Variants in TMEM132D observed in about 807,000 individuals in gnomAD.
TMEM132D encodes the protein mature OL transmembrane protein.
TMEM132D carries 21 observed loss-of-function variants against 62.3 expected under a neutral mutation model. The ratio of observed to expected loss-of-function variants is 0.34; its 90% CI spans 0.24 to 0.49. TMEM132D has a LOEUF of 0.49. Ranked by LOEUF, TMEM132D falls within the 20% of genes least tolerant of loss-of-function variation. TMEM132D has a pLI of 0.99. For missense variants in TMEM132D, 1,346 were observed against 1,402.8 expected (o/e 0.96, Z 0.65); for synonymous variants, 621 against 575.6 (o/e 1.08, Z -1.13).
chr12:129,630,353 G>A (rs894855751), intron 2 of TMEM132D, among the ~76,000 whole-genome samples: 1 of 152,182 alleles, frequency 6.6e-6, no homozygotes, highest in Non-Finnish European at 1.5e-5. Context: ...GACACAGATT[G>A]AGTAGATATC....
At chr12:129,315,889 A>AT (rs1312392157) in intron 4 of TMEM132D, among the ~76,000 whole-genome samples, 3 of 152,106 alleles carry the variant, frequency 2.0e-5, no homozygotes, top group African/African-American at 7.2e-5. Flanking sequence ...TTTTCCAGGA[A>AT]TTTACCCATC....
At chr12:129,150,903 C>T (rs1294580593) in intron 5 of TMEM132D, among the ~76,000 whole-genome samples, 1 of 152,216 alleles carries the variant, frequency 6.6e-6, no homozygotes, top group Non-Finnish European at 1.5e-5. Flanking sequence ...TCCTGTCCGC[C>T]CCAACCCCAG....
intron 2 of TMEM132D, among the ~76,000 whole-genome samples, chr12:129,646,800 A>ATTTT (rs35593697): frequency 7.4e-6 from 1 of 135,770 alleles, no homozygotes; most frequent in Non-Finnish European, 1.6e-5. Context: ...AATAACATGC[A>ATTTT]TTTTTTTTTT....
intron 1 of TMEM132D, among the ~76,000 whole-genome samples, chr12:129,829,675 C>T (rs1027099515): frequency 6.6e-6 from 1 of 152,222 alleles, no homozygotes; most frequent in African/African-American, 2.4e-5. Flanking sequence ...GTCTCAGGTG[C>T]GAACTGAGAT....
intron 3 of TMEM132D, among the ~76,000 whole-genome samples, chr12:129,383,233 C>G (rs184126298): frequency 1.1e-4 from 17 of 152,302 alleles, no homozygotes; most frequent in Admixed American, 3.9e-4. Flanking sequence ...ATGTGTGCAT[C>G]TGGTTGGGGA....
intron 1 of TMEM132D, among the ~76,000 whole-genome samples, chr12:129,748,695 C>T (rs1869899154): frequency 6.6e-6 from 1 of 152,194 alleles, no homozygotes; most frequent in South Asian, 2.1e-4. Flanking sequence ...GCTCCCAGAG[C>T]AACAAAAACC....
intron 1 of TMEM132D, among the ~76,000 whole-genome samples, chr12:129,729,242 T>C (rs1869137944): frequency 1.3e-5 from 2 of 152,210 alleles, no homozygotes; most frequent in Non-Finnish European, 1.5e-5. Flanking sequence ...ATAGAGTCAC[T>C]GGCAAAAACA....
chr12:129,894,460 G>C (rs1390636519), intron 1 of TMEM132D, among the ~76,000 whole-genome samples: 1 of 152,208 alleles, frequency 6.6e-6, no homozygotes, highest in African/African-American at 2.4e-5. Context: ...AAGGTAGAGA[G>C]AGATGAAGCA....
chr12:129,333,976 C>T (rs1869195830), intron 4 of TMEM132D, among the ~76,000 whole-genome samples: 1 of 152,076 alleles, frequency 6.6e-6, no homozygotes, highest in Non-Finnish European at 1.5e-5. Context: ...CAAAAATTAG[C>T]TGGGCCTGTT....
chr12:129,249,575 C>T (rs955944623), intron 4 of TMEM132D, among the ~76,000 whole-genome samples: 9 of 152,144 alleles, frequency 5.9e-5, no homozygotes, highest in East Asian at 1.9e-4. Context: ...TTTAGTCATT[C>T]GACAAATATA....
intron 3 of TMEM132D, among the ~76,000 whole-genome samples, chr12:129,389,640 AC>A (rs1367466363): frequency 6.6e-6 from 1 of 152,268 alleles, no homozygotes; most frequent in Admixed American, 6.5e-5. Flanking sequence ...CAATGCTGAC[AC>A]CATGCCAGCA....
At chr12:129,757,228 A>G (rs776210573) in intron 1 of TMEM132D, among the ~76,000 whole-genome samples, 2 of 152,190 alleles carry the variant, frequency 1.3e-5, no homozygotes, top group Non-Finnish European at 2.9e-5. Context: ...GCCCCAGTTT[A>G]CCAGCTCGCA....
In TMEM132D at chr12:129,082,107, G is replaced by C. The variant is rs75313148; in HGVS notation, c.1650-75C>G. 5.3e-6 allele frequency: 8 copies of C among 1,513,824 alleles called. No individual in the cohort carries two copies. In the South Asian group the frequency reaches 9.0e-5, roughly 17 times the overall value. 93.8% of individuals were successfully genotyped at this position (1,513,824 alleles called of 1,614,324 possible). Reference sequence around the variant, plus strand: ...TAAGGGGCCGTGTGTGGAGCCTGGTGGGGGCTGCAGAGGTAGGTAGGCCAT... The same window carrying C: ...TAAGGGGCCGTGTGTGGAGCCTGGTCGGGGCTGCAGAGGTAGGTAGGCCAT... On this transcript the variant is annotated intron_variant, in intron 6 of 8. Coordinates refer to ENST00000422113, the MANE Select transcript of TMEM132D (RefSeq NM_133448.3).
At position 129,081,972 on chromosome 12, in the gene TMEM132D, C is replaced by T. The variant is rs377177118; in HGVS notation, c.1710G>A (p.Leu570=). 4 of 1,613,876 alleles carry T rather than the reference C, an allele frequency of 2.5e-6. No individual in the cohort carries two copies. Among genetic ancestry groups the T allele is most frequent in the African/African-American group, 1.3e-5 (1 of 74,948 alleles). Reference sequence around the variant, plus strand: ...CCCGCACCATGGCGTGCTGGTACTGCAGGGTGCAGCCGCGGCCCCTCCGCT... The same window carrying T: ...CCCGCACCATGGCGTGCTGGTACTGTAGGGTGCAGCCGCGGCCCCTCCGCT... ...DDERRGRGCT[L]QYQHAMVRVL... Residue 570 remains leucine (L), a synonymous_variant, in exon 7 of 9, where the codon CTG becomes CTA. Transcript: ENST00000422113.
intron 3 of TMEM132D, among the ~76,000 whole-genome samples, chr12:129,392,984 C>T (rs1390065861): frequency 6.6e-6 from 1 of 152,202 alleles, no homozygotes; most frequent in Non-Finnish European, 1.5e-5. Context: ...CCTCTACTTG[C>T]CTCCAATCTA....
At chr12:129,247,947 A>G (rs1260273762) in intron 4 of TMEM132D, among the ~76,000 whole-genome samples, 2 of 152,132 alleles carry the variant, frequency 1.3e-5, no homozygotes, top group Non-Finnish European at 2.9e-5. Flanking sequence ...CAAAGCTCCC[A>G]AATGGCAATT....
chr12:129,489,948 G>T (rs543682904), intron 3 of TMEM132D, among the ~76,000 whole-genome samples: 3 of 152,308 alleles, frequency 2.0e-5, no homozygotes, highest in African/African-American at 7.2e-5. Flanking sequence ...GAGGAAGAGA[G>T]GGAGAAATTG....
At chr12:129,260,792 C>CACTTAGAAT (rs140552219) in intron 4 of TMEM132D, among the ~76,000 whole-genome samples, 10,716 of 152,210 alleles carry the variant, frequency 0.07, 553 homozygotes, top group Admixed American at 0.17. Context: ...TGAGCTACTT[C>CACTTAGAAT]ACTTAGAATA....
At chr12:129,462,218 G>A (rs547315781) in intron 3 of TMEM132D, among the ~76,000 whole-genome samples, 1 of 152,210 alleles carries the variant, frequency 6.6e-6, no homozygotes, top group Non-Finnish European at 1.5e-5. Flanking sequence ...TTGTTCTGAA[G>A]TTATTGACGA....
Sources: allele counts gnomAD v4.1 joint callset (sites outside exome capture counted in the v4.1 genomes callset), GRCh38; gene constraint gnomAD v4.1.1; transcripts MANE v1.5; gene names NCBI Gene and HGNC (gene_info 2026-07-23, HGNC 2026-07-21).